Variants in LDB2 observed in about 807,000 individuals in gnomAD.
LDB2 encodes LIM domain-binding protein 2.
A neutral mutation model predicts 44.3 loss-of-function variants in LDB2; 12 were observed. The ratio of observed to expected loss-of-function variants is 0.27; its 90% confidence interval spans 0.17 to 0.44. The LOEUF (loss-of-function observed/expected upper bound fraction) is 0.44, where lower values mean the gene tolerates loss of function less well. LDB2 is among the 20% of genes least tolerant of loss of function. LDB2 has a pLI of 1.00. For synonymous variants in LDB2, 164 were observed against 174.8 expected (o/e 0.94, Z 0.49); for missense variants, 344 against 473.5 (o/e 0.73, Z 2.54).
intron 2 of LDB2, among the ~76,000 whole-genome samples, chr4:16,724,514 G>T (rs1759011083): frequency 6.6e-6 from 1 of 151,996 alleles, no homozygotes; most frequent in Non-Finnish European, 1.5e-5. Context: ...AGTGAATGAA[G>T]TCAGCACTAA....
intron 2 of LDB2, among the ~76,000 whole-genome samples, chr4:16,627,616 A>G (rs2152489968): frequency 6.6e-6 from 1 of 152,326 alleles, no homozygotes; most frequent in African/African-American, 2.4e-5. Context: ...AAGCGTACAC[A>G]GACACTAAGT....
At chr4:16,802,776 G>A (rs1447889656) in intron 1 of LDB2, among the ~76,000 whole-genome samples, 1 of 152,176 alleles carries the variant, frequency 6.6e-6, no homozygotes, top group African/African-American at 2.4e-5. Flanking sequence ...AACTGAGGCA[G>A]GCTTGGGACA....
At chr4:16,547,912 A>T (rs1219398432) in intron 5 of LDB2, among the ~76,000 whole-genome samples, 1 of 151,922 alleles carries the variant, frequency 6.6e-6, no homozygotes, top group African/African-American at 2.4e-5. Context: ...AAATTTAAAA[A>T]TTTACAAACA....
chr4:16,596,257 G>A (rs1417048379), intron 2 of LDB2, among the ~76,000 whole-genome samples: 3 of 152,102 alleles, frequency 2.0e-5, no homozygotes, highest in South Asian at 2.1e-4. Context: ...AATGCATCAT[G>A]TATGTATAGG....
At chr4:16,514,856 A>G (rs991598185) in intron 5 of LDB2, among the ~76,000 whole-genome samples, 4 of 152,218 alleles carry the variant, frequency 2.6e-5, no homozygotes, top group African/African-American at 9.6e-5. Flanking sequence ...ATTACTATAG[A>G]GTTAACTCCA....
Position 16,882,853 on chromosome 4 carries a change from G to A in LDB2, c.132+15501C>T, listed in dbSNP as rs113138566. On this transcript the variant is annotated intron_variant, in intron 1 of 7. Coordinates refer to ENST00000304523, the MANE Select transcript of LDB2 (RefSeq NM_001290.5). ...GCAGTTTAATGCACTTAGCCAACAG[G>A]CATTAACAGTCTTTTCAGAATAACC... Among the ~76,000 whole-genome samples, 86 of 151,884 alleles carry A rather than the reference G, an allele frequency of 5.7e-4. 1 individual carries two copies. The highest frequency in any genetic ancestry group is 3.2e-3 in the Middle Eastern group (1 of 316).
At chr4:16,562,019 T>G (rs565911630) in intron 5 of LDB2, among the ~76,000 whole-genome samples, 3 of 152,270 alleles carry the variant, frequency 2.0e-5, no homozygotes, top group South Asian at 2.1e-4. Context: ...TAGCCATATG[T>G]AGAAAGCTGA....
rs909127656 is a variant in LDB2, at chr4:16,533,701, G to T, written c.616-21597C>A. ...GGACGTCACCCTGGCTGAACAAATG[G>T]TTGCTTATGTAAAAGACCTGCCCTC... On this transcript the variant is annotated intron_variant, in intron 5 of 7. Transcript: ENST00000304523. This position sits in a 1 kb window ranked among gnomAD's most constrained non-coding sequence, Gnocchi z 4.1. 2.0e-5 allele frequency among the ~76,000 whole-genome samples: 3 copies of T among 152,172 alleles called. No individual in the cohort carries two copies. The highest frequency in any genetic ancestry group is 2.9e-5 in the Non-Finnish European group (2 of 68,030).
At chr4:16,738,489 C>A (rs1159554254) in intron 2 of LDB2, among the ~76,000 whole-genome samples, 1 of 152,154 alleles carries the variant, frequency 6.6e-6, no homozygotes, top group Non-Finnish European at 1.5e-5. Context: ...CACATGAGGC[C>A]AACCACAGAC....
intron 1 of LDB2, among the ~76,000 whole-genome samples, chr4:16,842,914 C>G (rs765066339): frequency 6.6e-6 from 1 of 152,232 alleles, no homozygotes; most frequent in Non-Finnish European, 1.5e-5. Context: ...GTATATTAAG[C>G]TCATAAAGCC....
intron 1 of LDB2, among the ~76,000 whole-genome samples, chr4:16,766,754 C>T (rs2109303596): frequency 6.6e-6 from 1 of 152,162 alleles, no homozygotes; most frequent in South Asian, 2.1e-4. Flanking sequence ...GATCCACCTG[C>T]CTCGGCCTCC....
rs1718468166 is a variant in LDB2, at chr4:16,590,296, A to G, written c.409-1464T>C. Among the ~76,000 whole-genome samples the G allele has an allele frequency of 3.3e-5, 5 of 152,264 alleles. No homozygotes were observed. The South Asian group carries it at 1.0e-3, about 31-fold the overall frequency. ...AAGATTTCCTAGGCTAAAAACAAAC[A>G]TACAACACTCCAGACACTTGAAAAA... On this transcript the variant is annotated intron_variant, in intron 3 of 7. Transcript: ENST00000304523.
intron 2 of LDB2, among the ~76,000 whole-genome samples, chr4:16,603,633 C>T (rs1397444625): frequency 4.6e-5 from 7 of 152,090 alleles, no homozygotes; most frequent in Admixed American, 4.6e-4. Context: ...CTCTGTATTA[C>T]TCTTTTATGT....
intron 3 of LDB2, among the ~76,000 whole-genome samples, chr4:16,594,864 A>G (rs983396094): frequency 6.6e-6 from 1 of 152,258 alleles, no homozygotes; most frequent in African/African-American, 2.4e-5. Context: ...GTCAAAATGC[A>G]GTAAACTAGT....
intron 1 of LDB2, among the ~76,000 whole-genome samples, chr4:16,858,048 T>C (rs893943270): frequency 6.6e-6 from 1 of 152,176 alleles, no homozygotes; most frequent in Non-Finnish European, 1.5e-5. Context: ...ATATTAATAA[T>C]AATTACTGAT....
At position 16,634,357 on chromosome 4, in the gene LDB2, AC is replaced by A. The variant is rs747249916; in HGVS notation, c.236-38483del. Among the ~76,000 whole-genome samples the A allele has an allele frequency of 8.6e-5, 13 of 151,988 alleles. No homozygotes were observed. The South Asian group carries it at 1.0e-3, about 12-fold the overall frequency. ...ACAGGCAACCTGCAGAATGGGAGAA[AC>A]TTTTTGCATTGGAGAAAATTTTTGC... On this transcript the variant is annotated intron_variant, in intron 2 of 7. Transcript: ENST00000304523.
chr4:16,693,032 A>G (rs975371778), intron 2 of LDB2, among the ~76,000 whole-genome samples: 16 of 152,212 alleles, frequency 1.1e-4, no homozygotes, highest in African/African-American at 2.7e-4. Context: ...TTAGGTAATT[A>G]TCTGGACCAG....
intron 5 of LDB2, among the ~76,000 whole-genome samples, chr4:16,565,539 A>T (rs1017622197): frequency 1.2e-4 from 18 of 152,188 alleles, no homozygotes; most frequent in Admixed American, 3.9e-4. Context: ...ACCTTGCTTA[A>T]TGAAAAAATC....
At position 16,675,873 on chromosome 4, in the gene LDB2, C is replaced by A. The variant is rs75371583; in HGVS notation, c.236-79998G>T. ...TGTTGATTTATTCATGCATAGATTT[C>A]TCCATTTCTTTATTATAAGATCACA... On this transcript the variant is annotated intron_variant, in intron 2 of 7. Coordinates refer to ENST00000304523, the MANE Select transcript of LDB2 (RefSeq NM_001290.5). Among the ~76,000 whole-genome samples the A allele has an allele frequency of 4.3e-3, 661 of 152,246 alleles. 4 individuals carry two copies. Among genetic ancestry groups the A allele is most frequent in the African/African-American group, 0.015 (630 of 41,518 alleles).
Sources: allele counts gnomAD v4.1 joint callset (sites outside exome capture counted in the v4.1 genomes callset), GRCh38; gene constraint gnomAD v4.1.1; non-coding constraint Gnocchi (gnomAD v3.1); transcripts MANE v1.5; gene names NCBI Gene and HGNC (gene_info 2026-07-23, HGNC 2026-07-21).